The following PRICKLE1 variants were observed in gnomAD, a reference collection of about 807,000 sequenced individuals.
PRICKLE1 encodes prickle planar cell polarity protein 1, also known as prickle-like protein 1.
Under a neutral mutation model 70.2 loss-of-function variants are expected in PRICKLE1, and 14 were observed. The ratio of observed to expected loss-of-function variants is 0.20; its 90% CI spans 0.13 to 0.31. The LOEUF is 0.31. Ranked by LOEUF, PRICKLE1 falls within the 10% of genes least tolerant of loss-of-function variation. PRICKLE1 has a pLI of 1.00. For synonymous variants in PRICKLE1, 357 were observed against 379.9 expected (o/e 0.94, Z 0.70); for missense variants, 821 against 1,026.2 (o/e 0.80, Z 2.73).
At chr12:42,477,192 G>A (rs1305281032) in intron 1 of PRICKLE1, among the ~76,000 whole-genome samples, 3 of 151,658 alleles carry the variant, frequency 2.0e-5, no homozygotes, top group Non-Finnish European at 4.4e-5. Context: ...GACCAACATG[G>A]AGAAACCCCG....
chr12:42,586,404 T>C (rs1356663470), intron 1 of PRICKLE1, among the ~76,000 whole-genome samples: 4 of 151,982 alleles, frequency 2.6e-5, no homozygotes, highest in African/African-American at 9.7e-5. Flanking sequence ...TTTTTTTTTT[T>C]TCCCCAGAGA....
At chr12:42,525,275 G>A (rs930742233) in intron 1 of PRICKLE1, among the ~76,000 whole-genome samples, 2 of 152,318 alleles carry the variant, frequency 1.3e-5, no homozygotes, top group South Asian at 4.1e-4. Flanking sequence ...CTTGCCCTGT[G>A]CATCTCTTCA....
At chr12:42,536,067 T>C (rs1242219759) in intron 1 of PRICKLE1, among the ~76,000 whole-genome samples, 1 of 152,184 alleles carries the variant, frequency 6.6e-6, no homozygotes, top group African/African-American at 2.4e-5. Context: ...CTTGGTTCTC[T>C]GGTCTGCACA....
rs1060502984 is a variant in PRICKLE1 at position 42,468,790 on chromosome 12, C to T, written c.424G>A (p.Ala142Thr). 4.3e-6 allele frequency: 7 copies of T among 1,613,980 alleles called. No homozygotes were observed. Among genetic ancestry groups the T allele is most frequent in the South Asian group, 3.3e-5 (3 of 91,082 alleles). Residue 142 changes from alanine to threonine, a missense_variant, in exon 5 of 8, where the codon GCC becomes ACC. Physicochemically the swap from Ala to Thr is moderately conservative, Grantham distance 58 (BLOSUM62 0). Coordinates refer to ENST00000345127, the MANE Select transcript of PRICKLE1 (RefSeq NM_153026.3). The stretch of plus-strand genomic sequence containing the variant: ...CACACACCAGGGCCCGCACGGGAGG[C>T]GAACACTGCAACTTCACCTCCATTT... ...KINGGEVAVF[A>T]SRAGPGVCWH...
intron 1 of PRICKLE1, among the ~76,000 whole-genome samples, chr12:42,559,635 TTGG>T (rs1268617643): frequency 2.0e-5 from 2 of 102,272 alleles, no homozygotes; most frequent in South Asian, 3.8e-4. Flanking sequence ...TTTTTTTTTT[TTGG>T]GGGGGGTAGA....
At chr12:42,557,095 C>T (rs1406903748) in intron 1 of PRICKLE1, among the ~76,000 whole-genome samples, 4 of 152,080 alleles carry the variant, frequency 2.6e-5, no homozygotes, top group Non-Finnish European at 5.9e-5. Context: ...GCTGGGACTA[C>T]CACCTTGCCT....
rs77415550 is a variant in PRICKLE1, at chr12:42,578,292, A to G, written c.-49+11173T>C. On this transcript the variant is annotated intron_variant, in intron 1 of 7. Transcript: ENST00000345127. ...TTAGCTTTTCACCCCTGGAATTTAA[A>G]TCAGGAGATTGTTTGAGTGAAAGAC... Among the ~76,000 whole-genome samples, 623 of 152,316 alleles carry G rather than the reference A, an allele frequency of 4.1e-3. 9 individuals are homozygous for G. In the South Asian group the frequency reaches 0.044, roughly 11 times the overall value.
At chr12:42,552,283 G>C (rs1390459679) in intron 1 of PRICKLE1, among the ~76,000 whole-genome samples, 2 of 152,012 alleles carry the variant, frequency 1.3e-5, no homozygotes, top group Non-Finnish European at 2.9e-5. Context: ...GCCTAGGCTG[G>C]TCTTGAACTC....
At chr12:42,516,461 T>C (rs780337013) in intron 1 of PRICKLE1, among the ~76,000 whole-genome samples, 10 of 152,086 alleles carry the variant, frequency 6.6e-5, no homozygotes, top group Non-Finnish European at 1.5e-4. Context: ...TATCCAAGAG[T>C]TCCTGTGTCC....
At chr12:42,587,352 T>C (rs1274276107) in intron 1 of PRICKLE1, among the ~76,000 whole-genome samples, 1 of 152,092 alleles carries the variant, frequency 6.6e-6, no homozygotes, top group Non-Finnish European at 1.5e-5. Context: ...CTCCCTCTTT[T>C]CCTTCCTTCC....
chr12:42,503,846 C>T (rs1939357868), intron 1 of PRICKLE1, among the ~76,000 whole-genome samples: 1 of 152,178 alleles, frequency 6.6e-6, no homozygotes, highest in Non-Finnish European at 1.5e-5. Flanking sequence ...TTCCTGTAAT[C>T]TCCCGAAATT....
chr12:42,587,950 T>G (rs527413607), intron 1 of PRICKLE1, among the ~76,000 whole-genome samples: 2 of 152,350 alleles, frequency 1.3e-5, no homozygotes, highest in South Asian at 4.1e-4. Context: ...TTTTTTTGTT[T>G]TTTTTTTCCT....
intron 1 of PRICKLE1, among the ~76,000 whole-genome samples, chr12:42,529,812 C>T (rs1939875350): frequency 6.6e-6 from 1 of 152,076 alleles, no homozygotes; most frequent in East Asian, 1.9e-4. Context: ...ACGAGAATTG[C>T]TTGAACCCAA....
At chr12:42,490,543 G>T (rs958391600) in intron 1 of PRICKLE1, among the ~76,000 whole-genome samples, 2 of 152,214 alleles carry the variant, frequency 1.3e-5, no homozygotes, top group African/African-American at 4.8e-5. Context: ...AGAAAACCCT[G>T]CAGAGAAACC....
In PRICKLE1 at chr12:42,468,783, C is replaced by T. The variant is rs281865563; in HGVS notation, c.431G>A (p.Arg144His). ...NGGEVAVFAS[R>H]AGPGVCWHPS... ...GTGCCAGCACACACCAGGGCCCGCA[C>T]GGGAGGCGAACACTGCAACTTCACC... Residue 144 changes from arginine (R) to histidine (H), a missense_variant, in exon 5 of 8, where the codon CGT becomes CAT. Coordinates refer to ENST00000345127, the MANE Select transcript of PRICKLE1 (RefSeq NM_153026.3). The T allele has an allele frequency of 4.0e-5, 64 of 1,614,010 alleles. No homozygotes were observed. The highest frequency in any genetic ancestry group is 1.6e-4 in the Middle Eastern group (1 of 6,084).
At chr12:42,506,094 G>A (rs1165720818) in intron 1 of PRICKLE1, among the ~76,000 whole-genome samples, 1 of 151,670 alleles carries the variant, frequency 6.6e-6, no homozygotes, top group Non-Finnish European at 1.5e-5. Flanking sequence ...CTTCAAGGTT[G>A]CGTATCAAGC....
rs376223716 is a variant in PRICKLE1, at chr12:42,587,208, C to T, written c.-49+2257G>A. Among the ~76,000 whole-genome samples, 13 of 152,290 alleles carry T rather than the reference C, an allele frequency of 8.5e-5. No homozygotes were observed. The East Asian group carries it at 2.1e-3, about 25-fold the overall frequency. On this transcript the variant is annotated intron_variant, in intron 1 of 7. Transcript: ENST00000345127. ...AAACCTATGAACCAACAGGCTCACT[C>T]GGTGATAACTCGCCAATTAGTACCA...
At chr12:42,469,303 C>T (rs992281868) in intron 4 of PRICKLE1, 147 bp downstream of exon 4, 5 of 867,120 alleles carry the variant, frequency 5.8e-6, no homozygotes, top group Non-Finnish European at 9.3e-6. Flanking sequence ...ACATGATTTG[C>T]TATTTAATAA....
At chr12:42,518,686 A>T (rs12424992) in intron 1 of PRICKLE1, among the ~76,000 whole-genome samples, 74,617 of 151,962 alleles carry the variant, frequency 0.49, 18,895 homozygotes, top group East Asian at 0.71. Flanking sequence ...GTAAGATGAA[A>T]TTTAATCCCA....
Sources: allele counts gnomAD v4.1 joint callset (sites outside exome capture counted in the v4.1 genomes callset), GRCh38; gene constraint gnomAD v4.1.1; transcripts MANE v1.5; gene names NCBI Gene and HGNC (gene_info 2026-07-23, HGNC 2026-07-21).